Variants in ANKFN1 observed in about 807,000 individuals in gnomAD.
ANKFN1 encodes the protein ankyrin repeat and fibronectin type-III domain-containing protein 1.
In ANKFN1, 74 loss-of-function variants were observed where a neutral mutation model predicts 108.7. That is an observed-to-expected ratio of 0.68 (90% CI 0.56 to 0.83). The LOEUF is 0.83. Ranked by LOEUF, ANKFN1 falls within the 40% of genes least tolerant of loss-of-function variation. The probability of loss-of-function intolerance (pLI) is 0.00; values close to 1 mark genes in which losing one functional copy is unlikely to be tolerated. For missense variants in ANKFN1, 1,505 were observed against 1,382.3 expected, an observed-to-expected ratio of 1.09 and a Z score of -1.41; for synonymous variants, 547 against 516.2, an observed-to-expected ratio of 1.06 and a Z score of -0.81.
At chr17:56,211,905 C>T (rs138983377) in intron 1 of ANKFN1, among the ~76,000 whole-genome samples, 29 of 151,900 alleles carry the variant, frequency 1.9e-4, no homozygotes, top group Admixed American at 9.8e-4. Context: ...TCGGCTTGGT[C>T]GCTCTTGGTG....
intron 3 of ANKFN1, among the ~76,000 whole-genome samples, chr17:56,322,338 A>G (rs930539439): frequency 1.4e-4 from 22 of 152,024 alleles, no homozygotes; most frequent in Admixed American, 2.0e-4. Flanking sequence ...TAAGACTTTC[A>G]TCTCCTAATT....
chr17:56,294,958 C>A, intron 3 of ANKFN1, among the ~76,000 whole-genome samples: 1 of 152,174 alleles, frequency 6.6e-6, no homozygotes, highest in East Asian at 1.9e-4. Flanking sequence ...GGAGGAAAAT[C>A]CAATTTCTGT....
chr17:56,406,983 G>GC (rs2047941108), intron 8 of ANKFN1, among the ~76,000 whole-genome samples: 1 of 152,140 alleles, frequency 6.6e-6, no homozygotes, highest in African/African-American at 2.4e-5. Context: ...ATTGGAATTA[G>GC]CCCCAAGAAG....
chr17:56,459,630 C>T (rs1236328917), intron 14 of ANKFN1, among the ~76,000 whole-genome samples: 1 of 152,194 alleles, frequency 6.6e-6, no homozygotes, highest in Non-Finnish European at 1.5e-5. Flanking sequence ...TCCTACCATA[C>T]AGCCCAGACA....
At chr17:56,150,237 T>C (rs1273206231), upstream of ANKFN1, among the ~76,000 whole-genome samples, 1 of 152,228 alleles carries the variant, frequency 6.6e-6, no homozygotes, top group Non-Finnish European at 1.5e-5. Flanking sequence ...ACCTACACAA[T>C]GTTTGTTAAC....
intron 4 of ANKFN1, among the ~76,000 whole-genome samples, chr17:56,055,786 T>C (rs1904866784): frequency 2.6e-5 from 4 of 151,350 alleles, no homozygotes; most frequent in South Asian, 2.1e-4. Flanking sequence ...TTTTAGTTCT[T>C]TGAGAAATCT....
At chr17:56,148,492 A>G (rs557992653), upstream of ANKFN1, among the ~76,000 whole-genome samples, 7 of 152,248 alleles carry the variant, frequency 4.6e-5, no homozygotes, top group Non-Finnish European at 7.3e-5. Flanking sequence ...TAATTGTGCT[A>G]TGAAGGTGGA....
chr17:56,508,151 C>G (rs1319932978), intron 20 of ANKFN1, among the ~76,000 whole-genome samples: 1 of 152,200 alleles, frequency 6.6e-6, no homozygotes, highest in Non-Finnish European at 1.5e-5. Flanking sequence ...GAAAATGTAG[C>G]TTGGACCACA....
At chr17:56,189,460 G>T (rs1912660851) in intron 1 of ANKFN1, among the ~76,000 whole-genome samples, 2 of 151,934 alleles carry the variant, frequency 1.3e-5, no homozygotes, top group African/African-American at 4.8e-5. Context: ...GTGAGCCACC[G>T]CGCCCGGCCT....
rs531467624 is a variant in ANKFN1 at position 56,085,207 on chromosome 17, A to C, written c.288+38882A>C. Among the ~76,000 whole-genome samples the C allele has an allele frequency of 1.3e-3, 168 of 133,720 alleles. 6 individuals are homozygous for C. The highest frequency in any genetic ancestry group is 3.2e-3 in the African/African-American group (119 of 37,240). The allele number at this position is 133,720 out of a possible 152,430, so 87.7% of individuals were successfully genotyped here. ...TATATATATATATATATATATATAT[A>C]TCTCCACATCCTAATCCTGGGAACC... On this transcript the variant is annotated intron_variant, in intron 4 of 12. Coordinates refer to the ANKFN1 transcript ENST00000635860.
At chr17:56,505,901 A>G (rs1284934752) in intron 20 of ANKFN1, among the ~76,000 whole-genome samples, 1 of 152,218 alleles carries the variant, frequency 6.6e-6, no homozygotes, top group Non-Finnish European at 1.5e-5. Flanking sequence ...CAGATTTTGC[A>G]AAGTGCTTGA....
At chr17:56,249,496 A>G (rs1428562381) in intron 3 of ANKFN1, among the ~76,000 whole-genome samples, 2 of 152,188 alleles carry the variant, frequency 1.3e-5, no homozygotes, top group African/African-American at 4.8e-5. Context: ...GAAATCTAAT[A>G]AAAATCCCAA....
At chr17:56,050,278 G>C (rs1904752334) in intron 4 of ANKFN1, among the ~76,000 whole-genome samples, 1 of 149,570 alleles carries the variant, frequency 6.7e-6, no homozygotes, top group Non-Finnish European at 1.5e-5. Flanking sequence ...GTTCATTGTA[G>C]ATTCTGGATA....
chr17:56,188,569 GTGTGTGTGTGTGTA>G (rs1598203913), intron 1 of ANKFN1, among the ~76,000 whole-genome samples: 3 of 102,610 alleles, frequency 2.9e-5, no homozygotes, highest in African/African-American at 1.4e-4. Context: ...GTGTATGTGT[GTGTGTGTGTGTGTA>G]TATATATATA....
At chr17:56,502,100 G>A (rs2051390476) in intron 20 of ANKFN1, among the ~76,000 whole-genome samples, 1 of 152,174 alleles carries the variant, frequency 6.6e-6, no homozygotes, top group African/African-American at 2.4e-5. Context: ...TTTAAGGCAG[G>A]AAAGCTATGT....
At chr17:56,145,217 A>G (rs1316704620) in intron 4 of ANKFN1, among the ~76,000 whole-genome samples, 7 of 152,250 alleles carry the variant, frequency 4.6e-5, no homozygotes, top group Non-Finnish European at 1.0e-4. Flanking sequence ...TGGGTACAAA[A>G]GAAATTAAAG....
chr17:56,483,383 G>C (rs1278658410), intron 18 of ANKFN1, among the ~76,000 whole-genome samples: 1 of 152,186 alleles, frequency 6.6e-6, no homozygotes, highest in African/African-American at 2.4e-5. Flanking sequence ...ACCCTCTCTG[G>C]ATTGCTCCCC....
rs1173100959 is a variant in ANKFN1, at chr17:56,188,545, A to ATGTGTGTGTG, written c.-70-24045_-70-24036dup. Among the ~76,000 whole-genome samples the ATGTGTGTGTG allele has an allele frequency of 3.2e-4, 28 of 87,220 alleles. 1 individual carries two copies. Among genetic ancestry groups the ATGTGTGTGTG allele is most frequent in the African/African-American group, 1.4e-3 (27 of 19,530 alleles). 57.2% of individuals were successfully genotyped at this position (87,220 alleles called of 152,430 possible). A position where few individuals can be genotyped will look rare whatever the true frequency, so the allele number is the denominator to read the frequency against. ...ATATAAGAAATAAAATAAGATGTATATGTGTGTGTGTGTGTGTATGTGTGT... is the reference window on the plus strand; with the variant it reads ...ATATAAGAAATAAAATAAGATGTATATGTGTGTGTGTGTGTGTGTGTGTGTGTATGTGTGT... On this transcript the variant is annotated intron_variant, in intron 1 of 20. Transcript: ENST00000682825.
intron 8 of ANKFN1, among the ~76,000 whole-genome samples, chr17:56,386,773 T>A (rs934713882): frequency 6.6e-6 from 1 of 152,090 alleles, no homozygotes; most frequent in Non-Finnish European, 1.5e-5. Context: ...TCATCTGATA[T>A]TTTACCATTA....
Sources: allele counts gnomAD v4.1 joint callset (sites outside exome capture counted in the v4.1 genomes callset), GRCh38; gene constraint gnomAD v4.1.1; transcripts MANE v1.5; gene names NCBI Gene and HGNC (gene_info 2026-07-23, HGNC 2026-07-21).